Variants in LINGO2 observed in about 807,000 individuals in gnomAD.
The protein encoded by LINGO2 is leucine-rich repeat and immunoglobulin-like domain-containing nogo receptor-interacting protein 2.
A neutral mutation model predicts 30.6 loss-of-function variants in LINGO2; 14 were observed. The observed-to-expected ratio is 0.46, with a 90% CI of 0.30 to 0.72. The LOEUF (loss-of-function observed/expected upper bound fraction) is 0.72. Among genes scored for constraint, LINGO2 ranks in the 30% least tolerant of loss-of-function variants. The pLI is 0.07. For synonymous variants in LINGO2, 317 were observed against 288.5 expected (o/e 1.10, Z -1.00); for missense variants, 729 against 751.7 (o/e 0.97, Z 0.35).
chr9:28,440,002 G>A (rs1168906997), intron 2 of LINGO2, among the ~76,000 whole-genome samples: 1 of 152,120 alleles, frequency 6.6e-6, no homozygotes, highest in East Asian at 1.9e-4. Flanking sequence ...TTGGGCTGCT[G>A]TTAGACTCTG....
the LINGO2 span, among the ~76,000 whole-genome samples, chr9:29,121,169 C>A: frequency 2.0e-5 from 3 of 152,130 alleles, no homozygotes; most frequent in Middle Eastern, 3.2e-3. Flanking sequence ...AATTAGATTT[C>A]TTGATGCACA....
chr9:28,165,405 C>A (rs1465855041), intron 4 of LINGO2, among the ~76,000 whole-genome samples: 1 of 152,142 alleles, frequency 6.6e-6, no homozygotes, highest in South Asian at 2.1e-4. Flanking sequence ...GGAGGTAATT[C>A]ATCACTGTCC....
chr9:27,950,727 AAGGG>A, intron 5 of LINGO2, 21 bp from the exon 7 acceptor site: 1 of 1,379,546 alleles, frequency 7.2e-7, no homozygotes, highest in African/African-American at 1.4e-5. Context: ...GGGACACAAG[AAGGG>A]AGGAAGAGAA....
chr9:29,189,004 G>A, the LINGO2 span, among the ~76,000 whole-genome samples: 1 of 141,346 alleles, frequency 7.1e-6, no homozygotes, highest in African/African-American at 2.9e-5. Flanking sequence ...TGGCCGGGCG[G>A]GGGGCTGACC....
chr9:28,350,656 G>C (rs1395162925), intron 3 of LINGO2, among the ~76,000 whole-genome samples: 2 of 151,602 alleles, frequency 1.3e-5, no homozygotes, highest in Non-Finnish European at 2.9e-5. Flanking sequence ...GGACCTAATA[G>C]GCATCTACAG....
chr9:28,679,359 G>T, the LINGO2 span, among the ~76,000 whole-genome samples: 17 of 151,916 alleles, frequency 1.1e-4, no homozygotes, highest in Admixed American at 2.0e-4. Context: ...TTCTAACTTT[G>T]GTTCTGATTT....
chr9:28,183,373 G>GTA (rs1819426985), intron 4 of LINGO2, among the ~76,000 whole-genome samples: 1 of 151,998 alleles, frequency 6.6e-6, no homozygotes. Flanking sequence ...CATGGCACAG[G>GTA]TACACCTATG....
chr9:28,216,305 CT>C, intron 4 of LINGO2, among the ~76,000 whole-genome samples: 1 of 151,890 alleles, frequency 6.6e-6, no homozygotes, highest in African/African-American at 2.4e-5. Flanking sequence ...AATTTTGGAC[CT>C]TTTAAAAACA....
At chr9:29,031,766 G>A in the LINGO2 span, among the ~76,000 whole-genome samples, 1 of 152,206 alleles carries the variant, frequency 6.6e-6, no homozygotes, top group Non-Finnish European at 1.5e-5. Context: ...CTTCCGATAA[G>A]TATGAAACTC....
At chr9:28,249,966 C>T (rs1822136373) in intron 4 of LINGO2, among the ~76,000 whole-genome samples, 1 of 152,092 alleles carries the variant, frequency 6.6e-6, no homozygotes, top group Non-Finnish European at 1.5e-5. Flanking sequence ...ATAGAAGGGG[C>T]AGCGTTTGGG....
the LINGO2 span, among the ~76,000 whole-genome samples, chr9:28,762,359 G>C: frequency 6.6e-6 from 1 of 151,942 alleles, no homozygotes; most frequent in African/African-American, 2.4e-5. Flanking sequence ...AGGAGGCCTA[G>C]CATGACTAAT....
At chr9:28,374,833 C>A (rs1304398812) in intron 2 of LINGO2, among the ~76,000 whole-genome samples, 1 of 152,052 alleles carries the variant, frequency 6.6e-6, no homozygotes, top group Non-Finnish European at 1.5e-5. Context: ...AGCCTGTGTT[C>A]TTTTAATTTG....
At chr9:28,878,164 C>G in the LINGO2 span, among the ~76,000 whole-genome samples, 1 of 152,050 alleles carries the variant, frequency 6.6e-6, no homozygotes, top group Non-Finnish European at 1.5e-5. Flanking sequence ...ATATCACCAC[C>G]AATCCCACAG....
At chr9:28,792,955 A>G in the LINGO2 span, among the ~76,000 whole-genome samples, 65 of 152,274 alleles carry the variant, frequency 4.3e-4, no homozygotes, top group African/African-American at 1.6e-3. Context: ...CTATTACTCA[A>G]TGGAATTGTA....
chr9:28,787,473 T>G, the LINGO2 span, among the ~76,000 whole-genome samples: 1 of 152,136 alleles, frequency 6.6e-6, no homozygotes, highest in African/African-American at 2.4e-5. Flanking sequence ...GAGAGAATAA[T>G]TCAGAGAAAA....
chr9:28,088,188 A>G (rs566131581), intron 4 of LINGO2, among the ~76,000 whole-genome samples: 5 of 124,122 alleles, frequency 4.0e-5, no homozygotes, highest in Non-Finnish European at 6.6e-5. Context: ...AAATAAGATT[A>G]TATATATATA....
At chr9:28,676,431 T>A in the LINGO2 span, among the ~76,000 whole-genome samples, 2 of 152,160 alleles carry the variant, frequency 1.3e-5, no homozygotes, top group African/African-American at 4.8e-5. Flanking sequence ...TCTCTATACA[T>A]GCCACCTGAA....
intron 5 of LINGO2, among the ~76,000 whole-genome samples, chr9:28,005,457 C>G (rs1451547977): frequency 6.6e-6 from 1 of 152,130 alleles, no homozygotes; most frequent in African/African-American, 2.4e-5. Context: ...CCTTCTCTTG[C>G]CAGTCTTTTT....
chr9:28,390,401 T>G (rs895205725), intron 2 of LINGO2, among the ~76,000 whole-genome samples: 1 of 152,186 alleles, frequency 6.6e-6, no homozygotes, highest in Non-Finnish European at 1.5e-5. Flanking sequence ...TATTTAATAA[T>G]TATCTAGTTA....
Sources: allele counts gnomAD v4.1 joint callset (sites outside exome capture counted in the v4.1 genomes callset), GRCh38; gene constraint gnomAD v4.1.1; transcripts MANE v1.5; gene names NCBI Gene and HGNC (gene_info 2026-07-23, HGNC 2026-07-21).